RB1CC1: variants seen among roughly 807,000 people sequenced by gnomAD.
The protein encoded by RB1CC1 is RB1 inducible coiled-coil 1, also known as RB1-inducible coiled-coil protein 1.
RB1CC1 carries 46 observed loss-of-function variants against 177.5 expected under a neutral mutation model. The ratio of observed to expected loss-of-function variants is 0.26; its 90% CI spans 0.20 to 0.33. The LOEUF (loss-of-function observed/expected upper bound fraction) is 0.33. Among genes scored for constraint, RB1CC1 ranks in the 10% least tolerant of loss-of-function variants. The probability of loss-of-function intolerance (pLI) is 1.00; values close to 1 mark genes in which losing one functional copy is unlikely to be tolerated. For missense variants in RB1CC1, 1,703 were observed against 1,816.3 expected (o/e 0.94, Z 1.13); for synonymous variants, 666 against 613.6 (o/e 1.09, Z -1.26).
intron 6 of RB1CC1, among the ~76,000 whole-genome samples, 190 bp downstream of exon 6, chr8:52,676,179 T>C (rs1475725501): frequency 2.0e-5 from 3 of 152,168 alleles, no homozygotes; most frequent in Non-Finnish European, 2.9e-5. Flanking sequence ...GACTCATACA[T>C]GTAAAGAGAA....
At chr8:52,700,541 A>G (rs1277416907) in intron 1 of RB1CC1, among the ~76,000 whole-genome samples, 1 of 152,156 alleles carries the variant, frequency 6.6e-6, no homozygotes, top group Non-Finnish European at 1.5e-5. Flanking sequence ...TTTAGAAAAA[A>G]CAAAAAGAAA....
At chr8:52,670,091 C>T (rs1424472073) in intron 7 of RB1CC1, among the ~76,000 whole-genome samples, 1 of 152,136 alleles carries the variant, frequency 6.6e-6, no homozygotes, top group African/African-American at 2.4e-5. Context: ...AGGCATGTGC[C>T]ACCACAATCA....
intron 13 of RB1CC1, among the ~76,000 whole-genome samples, 189 bp downstream of exon 13, chr8:52,658,679 CCTTTA>C (rs1192925285): frequency 6.6e-6 from 1 of 151,720 alleles, no homozygotes; most frequent in Non-Finnish European, 1.5e-5. Flanking sequence ...GGCATGTCTT[CCTTTA>C]CTTTACCTTC....
intron 1 of RB1CC1, among the ~76,000 whole-genome samples, chr8:52,697,381 C>T (rs1855521632): frequency 6.6e-6 from 1 of 151,346 alleles, no homozygotes; most frequent in Non-Finnish European, 1.5e-5. Flanking sequence ...TGAATTTGTT[C>T]AGATCCTGGA....
At chr8:52,662,301 CA>C (rs1851701897) in intron 8 of RB1CC1, among the ~76,000 whole-genome samples, 1 of 152,064 alleles carries the variant, frequency 6.6e-6, no homozygotes, top group South Asian at 2.1e-4. Flanking sequence ...GGTAGAAAAA[CA>C]TTTTTTCTGT....
chr8:52,661,850 T>A lies in RB1CC1; in HGVS notation c.1174-131A>T, dbSNP rs1022968560. ...CTTCTAACAATATTTTTAAATCCTC[T>A]ATTTTTCTCGAATGTAGTAGATGCA... On this transcript the variant is annotated intron_variant, in intron 8 of 23. Coordinates refer to ENST00000025008, the MANE Select transcript of RB1CC1 (RefSeq NM_014781.5). 2.8e-5 allele frequency: 18 copies of A among 644,614 alleles called. No homozygotes were observed. In the African/African-American group the frequency reaches 3.4e-4, roughly 12 times the overall value. 39.9% of individuals were successfully genotyped at this position (644,614 alleles called of 1,614,324 possible).
At chr8:52,624,622 GGCCAAGA>G in intron 23 of RB1CC1, 88 bp downstream of exon 23, 1 of 1,016,506 alleles carries the variant, frequency 9.8e-7, no homozygotes, top group Non-Finnish European at 1.5e-6. Flanking sequence ...TGAGCATAAA[GGCCAAGA>G]ACAGCAGTGG....
chr8:52,637,128 C>T (rs529154161), intron 18 of RB1CC1, among the ~76,000 whole-genome samples: 5 of 152,228 alleles, frequency 3.3e-5, no homozygotes, highest in South Asian at 4.1e-4. Context: ...GTTCAGATTA[C>T]GATAAGAATT....
In RB1CC1 at chr8:52,683,701, G is replaced by T; in HGVS notation, c.217C>A (p.Leu73Ile). 1 of 1,584,874 alleles carries T rather than the reference G, an allele frequency of 6.3e-7. No individual in the cohort carries two copies. The change falls in exon 5 of 24, where the codon CTT becomes ATT. Residue 73 changes from leucine to isoleucine, a missense_variant. Physicochemically the swap from Leu to Ile is conservative, Grantham distance 5. Around this residue, in one of 6 missense-constraint regions of RB1CC1, gnomAD observed 118 missense variants for 121.2 expected, o/e 0.97. Transcript: ENST00000025008. ...SAGTDTNPIF[L>I]FNKEMILCDR... ...CATAAGATCATTTCTTTGTTAAAAA[G>T]AAAAATTGGATTTGTATCCTATATT...
intron 1 of RB1CC1, among the ~76,000 whole-genome samples, chr8:52,702,449 G>A (rs916349164): frequency 2.0e-5 from 3 of 152,180 alleles, no homozygotes; most frequent in African/African-American, 7.2e-5. Flanking sequence ...AGGCACAGTG[G>A]TTCATGCCTG....
intron 8 of RB1CC1, among the ~76,000 whole-genome samples, chr8:52,667,747 A>C (rs1313827659): frequency 6.6e-6 from 1 of 152,214 alleles, no homozygotes; most frequent in African/African-American, 2.4e-5. Context: ...TGAAATTTTT[A>C]GCACAATAAC....
In RB1CC1 at chr8:52,658,143, C is replaced by T; in HGVS notation, c.1794-19G>A. On this transcript the variant is annotated intron_variant, in intron 13 of 23. Coordinates refer to ENST00000025008, the MANE Select transcript of RB1CC1 (RefSeq NM_014781.5). ...GGGAACCCTGAAACAGAATGCAATG[C>T]AATTAGACTTCTGATTTTTTAATGA... 1 of 1,594,516 alleles carries T rather than the reference C, an allele frequency of 6.3e-7. No individual in the cohort carries two copies. The highest frequency in any genetic ancestry group is 8.5e-7 in the Non-Finnish European group (1 of 1,173,776).
chr8:52,688,988 T>C (rs1854562061), intron 1 of RB1CC1, among the ~76,000 whole-genome samples: 1 of 152,120 alleles, frequency 6.6e-6, no homozygotes, highest in Non-Finnish European at 1.5e-5. Flanking sequence ...TCTCCAAAGT[T>C]TGGGAGGGAT....
At position 52,673,955 on chromosome 8, in the gene RB1CC1, C is replaced by G. The variant is rs866433857; in HGVS notation, c.892G>C (p.Asp298His). Residue 298 changes from aspartate to histidine, a missense_variant, in exon 7 of 24, where the codon GAT becomes CAT. Physicochemically the swap from Asp to His is moderately conservative, Grantham distance 81. Transcript: ENST00000025008. ...ACATTAAAAAAGGGCAGATCACCAT[C>G]TTTAGTGTCAATCGTAGTTTCATCT... ...QQDETTIDTK[D>H]GDLPFFNVSL... 5.0e-6 allele frequency: 8 copies of G among 1,614,130 alleles called. No individual in the cohort carries two copies. Among genetic ancestry groups the G allele is most frequent in the Middle Eastern group, 1.6e-4 (1 of 6,062 alleles).
intron 8 of RB1CC1, among the ~76,000 whole-genome samples, chr8:52,667,549 C>A (rs1000046055): frequency 6.6e-6 from 1 of 152,164 alleles, no homozygotes; most frequent in Non-Finnish European, 1.5e-5. Context: ...CTTACTTAGC[C>A]ATTCCATCAC....
At chr8:52,708,572 C>T (rs572976653) in intron 1 of RB1CC1, among the ~76,000 whole-genome samples, 4 of 152,120 alleles carry the variant, frequency 2.6e-5, no homozygotes, top group Non-Finnish European at 4.4e-5. Context: ...ATTACCACTT[C>T]TGGGAAGTCT....
chr8:52,699,825 AAAAAAATATAT>A (rs1395326845), intron 1 of RB1CC1, among the ~76,000 whole-genome samples: 36 of 95,980 alleles, frequency 3.8e-4, no homozygotes, highest in South Asian at 1.3e-3. Context: ...AAAAAAAAAA[AAAAAAATATAT>A]ATATATATAT....
intron 21 of RB1CC1, among the ~76,000 whole-genome samples, chr8:52,629,671 G>A (rs1848626482): frequency 6.6e-6 from 1 of 152,170 alleles, no homozygotes; most frequent in Non-Finnish European, 1.5e-5. Flanking sequence ...ACTATTATCT[G>A]TCAAGCCTGC....
rs1017858843 is a variant in RB1CC1, at chr8:52,622,508, A to G, written c.*1274T>C. ...TAACTTGTCAAATTCAGTTTTCTAT[A>G]CACTATGATGTTTATTCCATTTTGT... On this transcript the variant is annotated 3_prime_UTR_variant, in exon 24 of 24. Coordinates refer to ENST00000025008, the MANE Select transcript of RB1CC1 (RefSeq NM_014781.5). 1 of 151,866 alleles carries G rather than the reference A, an allele frequency of 6.6e-6. No homozygotes were observed. Among genetic ancestry groups the G allele is most frequent in the Non-Finnish European group, 1.5e-5 (1 of 67,630 alleles). The allele number at this position is 151,866 out of a possible 1,614,324, so 9.4% of individuals were successfully genotyped here.
Sources: gnomAD v4.1 joint callset for allele counts (sites outside exome capture counted in the v4.1 genomes callset) on GRCh38, gnomAD v4.1.1 for gene constraint, gnomAD v4.1.1 regional missense constraint, MANE v1.5 for transcripts, NCBI Gene and HGNC (gene_info 2026-07-23, HGNC 2026-07-21) for gene names.